QTGAL: variants seen among roughly 807,000 people sequenced by gnomAD.
The protein encoded by QTGAL is BGnT-like protein 1.
At chr17:83,028,790 C>G in the QTGAL span, among the ~76,000 whole-genome samples, 1 of 152,164 alleles carries the variant, frequency 6.6e-6, no homozygotes, top group African/African-American at 2.4e-5. Flanking sequence ...CAAGGTACAT[C>G]CACAGAAAGA....
chr17:83,050,093 G>A, the QTGAL span, among the ~76,000 whole-genome samples: 5 of 152,070 alleles, frequency 3.3e-5, no homozygotes, highest in Admixed American at 6.6e-5. Context: ...AGTTCTGGCC[G>A]GGCGCGGTAG....
the QTGAL span, among the ~76,000 whole-genome samples, chr17:82,975,476 C>T: frequency 0.018 from 583 of 31,784 alleles, 40 homozygotes; most frequent in Non-Finnish European, 0.025. Flanking sequence ...GAACGAGGGC[C>T]CCGGGACAGA....
the QTGAL span, among the ~76,000 whole-genome samples, chr17:83,041,078 A>T: frequency 0.2 from 30,508 of 151,522 alleles, 3,252 homozygotes; most frequent in Non-Finnish European, 0.24. Context: ...AAAAAAAAAA[A>T]AAAAATGGCT....
chr17:82,970,672 C>CGTGGACGTGACCTCCGCACCCAGT, the QTGAL span, among the ~76,000 whole-genome samples: 402 of 65,100 alleles, frequency 6.2e-3, 86 homozygotes, highest in African/African-American at 0.019. Flanking sequence ...CCGCACCCAG[C>CGTGGACGTGACCTCCGCACCCAGT]GTGGCCGTGA....
the QTGAL span, among the ~76,000 whole-genome samples, chr17:83,008,161 C>T: frequency 6.7e-6 from 1 of 148,962 alleles, no homozygotes; most frequent in African/African-American, 2.5e-5. Context: ...TTTGTGGGCA[C>T]CGCACCTAGC....
At chr17:82,972,859 G>A in the QTGAL span, among the ~76,000 whole-genome samples, 922 of 144,528 alleles carry the variant, frequency 6.4e-3, 18 homozygotes, top group African/African-American at 0.024. Context: ...ACACTCATAG[G>A]GGCCAGAAGG....
the QTGAL span, among the ~76,000 whole-genome samples, chr17:82,997,401 T>C: frequency 6.6e-6 from 1 of 152,146 alleles, no homozygotes; most frequent in Non-Finnish European, 1.5e-5. Flanking sequence ...CTGGTGAAGA[T>C]GTGAAGAAAA....
chr17:82,947,078 T>C, the QTGAL span: 1 of 1,027,322 alleles, frequency 9.7e-7, no homozygotes, highest in Admixed American at 2.3e-5. Context: ...GGGTGGCCTG[T>C]GTCCACCTGT....
the QTGAL span, among the ~76,000 whole-genome samples, chr17:82,970,640 G>A: frequency 4.2e-5 from 2 of 47,250 alleles, 1 homozygote; most frequent in Non-Finnish European, 8.0e-5. Context: ...CGCGACCTCC[G>A]CACCCGGTGT....
the QTGAL span, among the ~76,000 whole-genome samples, chr17:82,955,047 T>A: frequency 6.6e-6 from 1 of 152,164 alleles, no homozygotes; most frequent in Non-Finnish European, 1.5e-5. Context: ...GCAATACCAT[T>A]CAGGACATAG....
the QTGAL span, among the ~76,000 whole-genome samples, chr17:83,048,119 C>T: frequency 2.0e-5 from 3 of 152,110 alleles, no homozygotes; most frequent in Non-Finnish European, 2.9e-5. Context: ...CTCTGCCTCC[C>T]GGGTTCAAGC....
At chr17:82,950,137 C>T in the QTGAL span, among the ~76,000 whole-genome samples, 1 of 152,242 alleles carries the variant, frequency 6.6e-6, no homozygotes. Context: ...TGAGGCCACA[C>T]TGCCAGCTGC....
chr17:82,966,247 G>T, the QTGAL span, among the ~76,000 whole-genome samples: 3 of 151,046 alleles, frequency 2.0e-5, no homozygotes, highest in Non-Finnish European at 4.4e-5. Context: ...TAGAGATGGG[G>T]TCTCACTACA....
chr17:83,038,870 A>C, the QTGAL span, among the ~76,000 whole-genome samples: 24 of 141,064 alleles, frequency 1.7e-4, 1 homozygote, highest in Admixed American at 2.8e-4. Context: ...ACAACAACAA[A>C]AAAATATTAA....
At chr17:82,959,514 T>G in the QTGAL span, among the ~76,000 whole-genome samples, 1 of 151,998 alleles carries the variant, frequency 6.6e-6, no homozygotes, top group Non-Finnish European at 1.5e-5. Flanking sequence ...TGCAGACGGC[T>G]GCGGGGACTT....
the QTGAL span, chr17:82,949,802 G>A: frequency 1.3e-5 from 2 of 152,172 alleles, no homozygotes; most frequent in East Asian, 1.9e-4. Context: ...GTGGTGGGAT[G>A]GTGGTTTTAT....
At chr17:82,963,143 G>A in the QTGAL span, among the ~76,000 whole-genome samples, 8 of 152,292 alleles carry the variant, frequency 5.3e-5, no homozygotes, top group African/African-American at 9.6e-5. Flanking sequence ...AACCATCCTC[G>A]GGCAGCCTTG....
At chr17:82,998,349 G>A in the QTGAL span, among the ~76,000 whole-genome samples, 1 of 152,102 alleles carries the variant, frequency 6.6e-6, no homozygotes, top group Non-Finnish European at 1.5e-5. Context: ...AACTTTGTTT[G>A]TTTTGTTTTG....
At chr17:82,992,740 G>A in the QTGAL span, among the ~76,000 whole-genome samples, 4 of 152,006 alleles carry the variant, frequency 2.6e-5, no homozygotes, top group Non-Finnish European at 5.9e-5. Context: ...CAATCAAAAA[G>A]AATAACTATA....
Sources: gnomAD v4.1 joint callset for allele counts (sites outside exome capture counted in the v4.1 genomes callset) on GRCh38, gnomAD v4.1.1 for gene constraint, MANE v1.5 for transcripts, NCBI Gene and HGNC (gene_info 2026-07-23, HGNC 2026-07-21) for gene names.